The following SEMA3A variants were observed in gnomAD, a reference collection of about 807,000 sequenced individuals.
SEMA3A encodes the protein semaphorin-3A.
In SEMA3A, 29 loss-of-function variants were observed where a neutral mutation model predicts 97.9. That is an observed-to-expected ratio of 0.30 (90% CI 0.22 to 0.40). SEMA3A has a LOEUF of 0.40. SEMA3A is among the 10% of genes least tolerant of loss of function. The pLI, the probability that SEMA3A is intolerant of heterozygous loss-of-function variation, is 1.00. For synonymous variants in SEMA3A, 321 were observed against 323.7 expected, an observed-to-expected ratio of 0.99 and a Z score of 0.09; for missense variants, 763 against 951.3, an observed-to-expected ratio of 0.80 and a Z score of 2.60.
intron 6 of SEMA3A, among the ~76,000 whole-genome samples, chr7:84,041,709 G>A (rs548257871): frequency 1.1e-4 from 16 of 152,094 alleles, no homozygotes; most frequent in African/African-American, 3.4e-4. Flanking sequence ...AAACTAAGAG[G>A]ACCTTTGTTG....
intron 5 of SEMA3A, among the ~76,000 whole-genome samples, chr7:84,053,188 G>A (rs916282173): frequency 4.1e-5 from 5 of 123,334 alleles, no homozygotes; most frequent in African/African-American, 1.3e-4. Flanking sequence ...TGTATATTCT[G>A]TTGATTTGGG....
intron 3 of SEMA3A, among the ~76,000 whole-genome samples, chr7:84,117,135 A>C (rs1397924919): frequency 6.6e-6 from 1 of 152,138 alleles, no homozygotes; most frequent in Non-Finnish European, 1.5e-5. Flanking sequence ...TCGTCCATAT[A>C]TCGTAATCTT....
Position 84,186,488 on chromosome 7 carries a change from G to A in SEMA3A, c.112+7987C>T, listed in dbSNP as rs75118361. 2.0e-3 allele frequency among the ~76,000 whole-genome samples: 298 copies of A among 152,218 alleles called. 5 individuals carry two copies. In the East Asian group the frequency reaches 0.024, roughly 12 times the overall value. On this transcript the variant is annotated intron_variant, in intron 1 of 16. Transcript: ENST00000265362. Reference sequence around the variant, plus strand: ...AGCATTTATTCTCTTGAAATTCAAAGTTGAAGGTTAAAAGAAAACAAAATT... The same window carrying A: ...AGCATTTATTCTCTTGAAATTCAAAATTGAAGGTTAAAAGAAAACAAAATT...
In SEMA3A at chr7:84,072,900, C is replaced by T. The variant is rs772342067; in HGVS notation, c.454-12342G>A. Among the ~76,000 whole-genome samples the T allele has an allele frequency of 5.3e-5, 8 of 152,078 alleles. No homozygotes were observed. The East Asian group carries it at 5.8e-4, about 11-fold the overall frequency. On this transcript the variant is annotated intron_variant, in intron 4 of 16. Transcript: ENST00000265362. ...ATTATTATAATACCTGCTTTGCAGACGAGAAAATTGAGACATTTTGCCTAT... is the reference window on the plus strand; with the variant it reads ...ATTATTATAATACCTGCTTTGCAGATGAGAAAATTGAGACATTTTGCCTAT...
intron 1 of SEMA3A, among the ~76,000 whole-genome samples, chr7:84,393,430 C>T (rs927716600): frequency 6.6e-6 from 1 of 152,120 alleles, no homozygotes; most frequent in Non-Finnish European, 1.5e-5. Context: ...CATCACACTA[C>T]CTGATTTCAA....
chr7:84,365,382 A>G (rs1019457265), intron 2 of SEMA3A, among the ~76,000 whole-genome samples: 4 of 151,486 alleles, frequency 2.6e-5, no homozygotes, highest in African/African-American at 4.8e-5. Context: ...CTCTGCATTT[A>G]TTTTATAATG....
At chr7:84,197,730 CTTTTTTTTT>C (rs139403623), upstream of SEMA3A, among the ~76,000 whole-genome samples, 4 of 69,358 alleles carry the variant, frequency 5.8e-5, no homozygotes, top group African/African-American at 2.3e-4. Context: ...AAAGATCACT[CTTTTTTTTT>C]TTTTTTTTTT....
intron 2 of SEMA3A, among the ~76,000 whole-genome samples, chr7:84,345,871 G>A (rs1480999576): frequency 6.6e-6 from 1 of 152,186 alleles, no homozygotes; most frequent in Non-Finnish European, 1.5e-5. Context: ...AACTACAAAT[G>A]TTCTTAATGA....
intron 2 of SEMA3A, among the ~76,000 whole-genome samples, chr7:84,344,628 T>A (rs1802251934): frequency 6.6e-6 from 1 of 152,190 alleles, no homozygotes; most frequent in South Asian, 2.1e-4. Flanking sequence ...GAGAGAGGCC[T>A]CTGTTTGTTT....
intron 2 of SEMA3A, among the ~76,000 whole-genome samples, chr7:84,315,071 T>G (rs114424256): frequency 0.034 from 5,169 of 152,220 alleles, 103 homozygotes; most frequent in South Asian, 0.046. Flanking sequence ...GCTGGTGGAA[T>G]GAGATCAACA....
At chr7:84,025,970 T>C (rs1274505016) in intron 6 of SEMA3A, among the ~76,000 whole-genome samples, 1 of 152,224 alleles carries the variant, frequency 6.6e-6, no homozygotes, top group Admixed American at 6.5e-5. Context: ...TATTTGGTTA[T>C]TTGATTTACT....
intron 6 of SEMA3A, among the ~76,000 whole-genome samples, chr7:84,015,976 A>G (rs905013592): frequency 2.6e-5 from 4 of 152,192 alleles, no homozygotes; most frequent in Non-Finnish European, 5.9e-5. Flanking sequence ...TTTTTAAAAG[A>G]TCCATACAAT....
intron 4 of SEMA3A, among the ~76,000 whole-genome samples, chr7:84,066,437 A>G (rs1296689314): frequency 7.2e-6 from 1 of 139,586 alleles, no homozygotes; most frequent in African/African-American, 2.8e-5. Context: ...TAGGCAGGAG[A>G]AGGAAATAAA....
intron 3 of SEMA3A, among the ~76,000 whole-genome samples, chr7:84,304,599 A>G (rs1392157428): frequency 5.9e-5 from 9 of 152,080 alleles, no homozygotes; most frequent in Admixed American, 6.6e-5. Flanking sequence ...AGCAAATAAA[A>G]TTAAGTACTG....
intron 1 of SEMA3A, among the ~76,000 whole-genome samples, chr7:84,423,807 GA>G (rs1804667881): frequency 6.6e-6 from 1 of 151,326 alleles, no homozygotes; most frequent in African/African-American, 2.4e-5. Context: ...AAATCAGCAA[GA>G]AAAAAATAAT....
chr7:84,487,194 A>G (rs777207977), intron 1 of SEMA3A, among the ~76,000 whole-genome samples: 1 of 152,124 alleles, frequency 6.6e-6, no homozygotes, highest in Non-Finnish European at 1.5e-5. Context: ...GAAATGAAAA[A>G]ATATTAGATT....
chr7:84,152,289 AC>A (rs1448097494), intron 1 of SEMA3A, among the ~76,000 whole-genome samples: 3 of 141,536 alleles, frequency 2.1e-5, no homozygotes, highest in African/African-American at 5.3e-5. Flanking sequence ...CTTGGAACCA[AC>A]CCAAATGTCC....
chr7:84,060,280 G>A (rs1250784923), intron 5 of SEMA3A, among the ~76,000 whole-genome samples, 185 bp downstream of exon 5: 2 of 152,132 alleles, frequency 1.3e-5, no homozygotes, highest in South Asian at 2.1e-4. Context: ...AGACTAGTTG[G>A]TGCAATAAGC....
At chr7:84,422,372 A>C (rs2428808) in intron 1 of SEMA3A, among the ~76,000 whole-genome samples, 1 of 151,276 alleles carries the variant, frequency 6.6e-6, no homozygotes, top group Non-Finnish European at 1.5e-5. Flanking sequence ...TATTCCTTTT[A>C]TCATTTTTTA....
Sources: gnomAD v4.1 joint callset for allele counts (sites outside exome capture counted in the v4.1 genomes callset) on GRCh38, gnomAD v4.1.1 for gene constraint, MANE v1.5 for transcripts, NCBI Gene and HGNC (gene_info 2026-07-23, HGNC 2026-07-21) for gene names.